PCDHGB3: variants seen among roughly 807,000 people sequenced by gnomAD.
The protein encoded by PCDHGB3 is protocadherin gamma subfamily B, 3, also known as protocadherin gamma-B3.
In PCDHGB3, 40 loss-of-function variants were observed where a neutral mutation model predicts 59.2. The observed-to-expected ratio is 0.68, with a 90% CI of 0.52 to 0.88. The LOEUF (loss-of-function observed/expected upper bound fraction) is 0.88. PCDHGB3 is among the 40% of genes least tolerant of loss of function. The pLI is 0.00. For missense variants in PCDHGB3, 1,309 were observed against 1,187.9 expected (o/e 1.10, Z -1.50); for synonymous variants, 581 against 503.6 (o/e 1.15, Z -2.06).
intron 1 of PCDHGB3, 138 bp from the exon 2 acceptor site, chr5:141,494,669 T>A: frequency 6.5e-7 from 1 of 1,527,472 alleles, no homozygotes; most frequent in South Asian, 1.2e-5. Context: ...TGGAGATGAG[T>A]CCACCCCTGC....
intron 1 of PCDHGB3, among the ~76,000 whole-genome samples, chr5:141,481,250 C>A (rs1160186962): frequency 2.6e-5 from 4 of 152,144 alleles, no homozygotes; most frequent in Non-Finnish European, 5.9e-5. Context: ...TAGCATAGCT[C>A]TAAAAGATCA....
rs1485669709 is a variant in PCDHGB3 at position 141,432,989 on chromosome 5, G to A, written c.2415+60180G>A. On this transcript the variant is annotated intron_variant, in intron 1 of 3. Coordinates refer to ENST00000576222, the MANE Select transcript of PCDHGB3 (RefSeq NM_018924.5). The surrounding 1 kb of genome is among the most constrained non-coding windows in gnomAD (Gnocchi z 6.0). ...GCCGGCGTCGCACTTTGTGGGCGTG[G>A]ACGGGGTGCAGGCTTTCCTGCAGAC... The A allele has an allele frequency of 1.9e-6, 3 of 1,614,210 alleles. No individual in the cohort carries two copies. The highest frequency in any genetic ancestry group is 1.3e-5 in the African/African-American group (1 of 75,066).
At chr5:141,427,635 C>T in intron 1 of PCDHGB3, 1 of 706,280 alleles carries the variant, frequency 1.4e-6, no homozygotes, top group African/African-American at 1.7e-5. Context: ...TCCGGTTTTC[C>T]ACCAAGTCTC....
chr5:141,511,276 T>C lies in PCDHGB3; in HGVS notation c.*103T>C. On this transcript the variant is annotated 3_prime_UTR_variant, in exon 4 of 4. Coordinates refer to ENST00000576222, the MANE Select transcript of PCDHGB3 (RefSeq NM_018924.5). ...AGAGTTTCAGGGCTAACCCCCAGAA[T>C]ACTGGTAGGGGCCAAGGCCATGCTC... 6.5e-7 allele frequency: 1 copy of C among 1,538,084 alleles called. No homozygotes were observed. Among genetic ancestry groups the C allele is most frequent in the Non-Finnish European group, 8.8e-7 (1 of 1,140,720 alleles).
intron 1 of PCDHGB3, among the ~76,000 whole-genome samples, chr5:141,449,007 T>A (rs937327801): frequency 3.3e-5 from 5 of 152,116 alleles, no homozygotes; most frequent in African/African-American, 1.2e-4. Context: ...CTGTTTTTTT[T>A]AACAGTTGCT....
At chr5:141,427,838 C>T (rs978867590) in intron 1 of PCDHGB3, 4 of 1,546,186 alleles carry the variant, frequency 2.6e-6, no homozygotes, top group Non-Finnish European at 1.8e-6. Flanking sequence ...AGCGTGCCTT[C>T]GACCACGAGC....
At chr5:141,393,251 G>C in intron 1 of PCDHGB3, 1 of 1,613,814 alleles carries the variant, frequency 6.2e-7, no homozygotes, top group South Asian at 1.1e-5. Flanking sequence ...ACGAAATCGC[G>C]GTTCCTGGAG....
At chr5:141,434,240 T>A (rs979144259) in intron 1 of PCDHGB3, among the ~76,000 whole-genome samples, 1 of 152,336 alleles carries the variant, frequency 6.6e-6, no homozygotes, top group East Asian at 1.9e-4. Flanking sequence ...CTGGACTAGA[T>A]GACTTGGGCA....
In PCDHGB3 at chr5:141,477,967, C is replaced by T. The variant is rs756216038; in HGVS notation, c.2416-16840C>T. Reference sequence around the variant, plus strand: ...GTCTCTTGGGATCCCCTAACCAGAGCCTTTTTGCCATAGGGCTGCACACTG... The same window carrying T: ...GTCTCTTGGGATCCCCTAACCAGAGTCTTTTTGCCATAGGGCTGCACACTG... On this transcript the variant is annotated intron_variant, in intron 1 of 3. Coordinates refer to ENST00000576222, the MANE Select transcript of PCDHGB3 (RefSeq NM_018924.5). This position sits in a 1 kb window ranked among gnomAD's most constrained non-coding sequence, Gnocchi z 4.9. The T allele has an allele frequency of 8.7e-6, 14 of 1,614,032 alleles. No individual in the cohort carries two copies. In the South Asian group the frequency reaches 1.2e-4, roughly 14 times the overall value.
At position 141,431,209 on chromosome 5, in the gene PCDHGB3, G is replaced by C; in HGVS notation, c.2415+58400G>C. Reference sequence around the variant, plus strand: ...TTAGTGAAAATGCAGCCACTGAGATGCGGTTCCCTCTACCCCACGCCTGGG... The same window carrying C: ...TTAGTGAAAATGCAGCCACTGAGATCCGGTTCCCTCTACCCCACGCCTGGG... On this transcript the variant is annotated intron_variant, in intron 1 of 3. Coordinates refer to ENST00000576222, the MANE Select transcript of PCDHGB3 (RefSeq NM_018924.5). The surrounding 1 kb of genome is among the most constrained non-coding windows in gnomAD (Gnocchi z 4.8). 6.2e-7 allele frequency: 1 copy of C among 1,614,190 alleles called. No homozygotes were observed. Among genetic ancestry groups the C allele is most frequent in the Non-Finnish European group, 8.5e-7 (1 of 1,180,038 alleles).
At chr5:141,508,499 C>T (rs1425054102) in intron 3 of PCDHGB3, among the ~76,000 whole-genome samples, 7 of 152,212 alleles carry the variant, frequency 4.6e-5, no homozygotes, top group Non-Finnish European at 1.0e-4. Flanking sequence ...CATATCTTCT[C>T]TCCCTCCTGG....
At chr5:141,395,508 A>G (rs1313015738) in intron 1 of PCDHGB3, 3 of 461,062 alleles carry the variant, frequency 6.5e-6, no homozygotes, top group Non-Finnish European at 1.1e-5. Flanking sequence ...CTTAAGAAGT[A>G]GCTACCCGTC....
rs145463208 is a variant in PCDHGB3 at position 141,370,418 on chromosome 5, G to A, written c.24G>A (p.Arg8=). ...GGATGGGAAATAGCTCCGGATGGAG[G>A]GGCCCAGCAGGGCAGAGGCGAATGC... is the stretch of plus-strand genomic sequence containing the variant. MGNSSGW[R]GPAGQRRMLF... is the part of the protein sequence containing the mutation. The change falls in exon 1 of 4, where the codon AGG becomes AGA. Residue 8 remains arginine, a synonymous_variant. Coordinates refer to ENST00000576222, the MANE Select transcript of PCDHGB3 (RefSeq NM_018924.5). 1.7e-5 allele frequency: 26 copies of A among 1,570,524 alleles called. 1 individual carries two copies. The Middle Eastern group carries it at 5.2e-4, about 31-fold the overall frequency.
intron 1 of PCDHGB3, chr5:141,395,534 G>T: frequency 8.7e-6 from 3 of 344,098 alleles, no homozygotes; most frequent in East Asian, 5.8e-5. Context: ...TGGTAATTTT[G>T]CTATTGTTTG....
At chr5:141,384,620 G>T in intron 1 of PCDHGB3, 1 of 1,614,200 alleles carries the variant, frequency 6.2e-7, no homozygotes, top group Non-Finnish European at 8.5e-7. Flanking sequence ...GGTTCTACTG[G>T]CATGGAGCTG....
intron 1 of PCDHGB3, chr5:141,376,308 G>T (rs766557828): frequency 6.2e-7 from 1 of 1,614,208 alleles, no homozygotes; most frequent in South Asian, 1.1e-5. Context: ...CACTTTGTGG[G>T]CGTGGAAGGG....
chr5:141,372,451 C>T lies in PCDHGB3; in HGVS notation c.2057C>T (p.Ala686Val). Residue 686 changes from alanine to valine, a missense_variant, in exon 1 of 4, where the codon GCG (alanine) becomes GTG (valine). Coordinates refer to ENST00000576222, the MANE Select transcript of PCDHGB3 (RefSeq NM_018924.5). Reference protein sequence around the residue: ...SDRPTPSDPQAELQFHLVVAL... With the variant: ...SDRPTPSDPQVELQFHLVVAL... ...CGCCCCACTCCCTCTGACCCTCAGG[C>T]GGAGCTACAGTTTCACCTAGTAGTG... The T allele has an allele frequency of 6.2e-7, 1 of 1,614,042 alleles. No homozygotes were observed. The highest frequency in any genetic ancestry group is 8.5e-7 in the Non-Finnish European group (1 of 1,179,894).
intron 1 of PCDHGB3, chr5:141,417,768 C>T: frequency 6.9e-7 from 1 of 1,451,358 alleles, no homozygotes; most frequent in Non-Finnish European, 9.1e-7. Context: ...ACCCGGGACT[C>T]CTCCTGTCCT....
At chr5:141,435,805 T>C (rs2097780946) in intron 1 of PCDHGB3, among the ~76,000 whole-genome samples, 1 of 152,178 alleles carries the variant, frequency 6.6e-6, no homozygotes, top group African/African-American at 2.4e-5. Flanking sequence ...GTCCCAATTA[T>C]TTTTTCTTTC....
Sources: allele counts gnomAD v4.1 joint callset (sites outside exome capture counted in the v4.1 genomes callset), GRCh38; gene constraint gnomAD v4.1.1; non-coding constraint Gnocchi (gnomAD v3.1); transcripts MANE v1.5; gene names NCBI Gene and HGNC (gene_info 2026-07-23, HGNC 2026-07-21).